Variants in UTRN observed in about 807,000 individuals in gnomAD.
UTRN encodes the protein dystrophin-related protein 1.
A neutral mutation model predicts 463.9 loss-of-function variants in UTRN; 283 were observed. The observed-to-expected ratio is 0.61, with a 90% CI of 0.55 to 0.67. UTRN has a LOEUF of 0.67. Among genes scored for constraint, UTRN ranks in the 30% least tolerant of loss-of-function variants. UTRN has a pLI of 0.00. For synonymous variants in UTRN, 1,442 were observed against 1,431.5 expected, an observed-to-expected ratio of 1.01 and a Z score of -0.17; for missense variants, 3,922 against 4,084.3, an observed-to-expected ratio of 0.96 and a Z score of 1.08.
intron 2 of UTRN, among the ~76,000 whole-genome samples, chr6:144,386,421 T>C (rs1286206739): frequency 6.6e-6 from 1 of 152,174 alleles, no homozygotes; most frequent in East Asian, 1.9e-4. Context: ...ATCATACTAC[T>C]GCACTCAAGC....
chr6:144,562,587 C>T (rs1800036488), intron 50 of UTRN, among the ~76,000 whole-genome samples: 2 of 152,144 alleles, frequency 1.3e-5, no homozygotes, highest in African/African-American at 4.8e-5. Context: ...ACCACATTTT[C>T]TTTATCCAGT....
intron 12 of UTRN, among the ~76,000 whole-genome samples, chr6:144,440,053 A>G (rs888958751): frequency 2.4e-4 from 37 of 152,176 alleles, no homozygotes; most frequent in Non-Finnish European, 1.6e-4. Context: ...AATTCCTAGT[A>G]TGGACACTCA....
At chr6:144,382,150 T>G (rs1357651279) in intron 2 of UTRN, among the ~76,000 whole-genome samples, 1 of 152,238 alleles carries the variant, frequency 6.6e-6, no homozygotes, top group Non-Finnish European at 1.5e-5. Flanking sequence ...GTATGTCTTC[T>G]TTTATTTAAA....
chr6:144,750,733 A>G (rs532388105), intron 55 of UTRN, among the ~76,000 whole-genome samples: 126 of 152,276 alleles, frequency 8.3e-4, no homozygotes, highest in Non-Finnish European at 1.6e-3. Context: ...ATATTGCTCA[A>G]ATATCATTTT....
chr6:144,390,112 G>A (rs1465326357), intron 2 of UTRN, among the ~76,000 whole-genome samples: 1 of 152,104 alleles, frequency 6.6e-6, no homozygotes, highest in Non-Finnish European at 1.5e-5. Context: ...CAAATAAATG[G>A]TAAATATGTG....
At chr6:144,614,993 CT>C (rs1192736819) in intron 51 of UTRN, among the ~76,000 whole-genome samples, 1 of 152,128 alleles carries the variant, frequency 6.6e-6, no homozygotes, top group African/African-American at 2.4e-5. Flanking sequence ...ACAAACCCCC[CT>C]CTTTCCCGAT....
At position 144,835,829 on chromosome 6, in the gene UTRN, G is replaced by A. The variant is rs1781055799; in HGVS notation, c.9715G>A (p.Glu3239Lys). The A allele has an allele frequency of 1.2e-6, 2 of 1,614,110 alleles. No homozygotes were observed. Among genetic ancestry groups the A allele is most frequent in the Non-Finnish European group, 1.7e-6 (2 of 1,179,992 alleles). The change falls in exon 70 of 75, where the codon GAG (glutamate) becomes AAG (lysine). Residue 3239 changes from glutamate (E) to lysine (K), a missense_variant. Physicochemically the swap from Glu to Lys is moderately conservative, Grantham distance 56 (BLOSUM62 1). Coordinates refer to ENST00000367545, the MANE Select transcript of UTRN (RefSeq NM_007124.3). Reference sequence around the variant, plus strand: ...GCAGTATTGCCAAACACTCGGAGGAGAGTCCCCAGTGAGCCAGCCGCAGAG... The same window carrying A: ...GCAGTATTGCCAAACACTCGGAGGAAAGTCCCCAGTGAGCCAGCCGCAGAG... Reference protein sequence around the residue: ...IQQYCQTLGGESPVSQPQSPA... With the variant: ...IQQYCQTLGGKSPVSQPQSPA...
intron 30 of UTRN, among the ~76,000 whole-genome samples, chr6:144,489,811 G>C (rs1416776579): frequency 6.6e-6 from 1 of 151,632 alleles, no homozygotes; most frequent in Non-Finnish European, 1.5e-5. Context: ...TAGTAGAGAT[G>C]GGGTTTCACC....
intron 2 of UTRN, among the ~76,000 whole-genome samples, chr6:144,391,864 T>C (rs1044699979): frequency 1.3e-5 from 2 of 152,208 alleles, no homozygotes; most frequent in African/African-American, 4.8e-5. Context: ...ATGGTCTCGA[T>C]CTCCTGACCT....
chr6:144,829,794 A>C (rs1366055554), intron 69 of UTRN, among the ~76,000 whole-genome samples: 1 of 152,012 alleles, frequency 6.6e-6, no homozygotes, highest in Non-Finnish European at 1.5e-5. Context: ...ATATTTTCTA[A>C]AACTTGTTTT....
At chr6:144,346,589 G>A (rs914743970) in intron 2 of UTRN, among the ~76,000 whole-genome samples, 1 of 152,196 alleles carries the variant, frequency 6.6e-6, no homozygotes, top group African/African-American at 2.4e-5. Flanking sequence ...GGGAGCCCGA[G>A]GCGGGCAGAT....
In UTRN at chr6:144,612,225, C is replaced by T. The variant is rs530528036; in HGVS notation, c.7479+34937C>T. ...TTACACCATAGGCAAAAATCAACTT[C>T]AAATGGATTAAAGACTTAAATATAA... On this transcript the variant is annotated intron_variant, in intron 51 of 74. Coordinates refer to ENST00000367545, the MANE Select transcript of UTRN (RefSeq NM_007124.3). Among the ~76,000 whole-genome samples the T allele has an allele frequency of 1.4e-3, 214 of 152,150 alleles. 1 individual carries two copies. The highest frequency in any genetic ancestry group is 4.8e-3 in the African/African-American group (201 of 41,516).
chr6:144,851,665 CACTT>C lies in UTRN; in HGVS notation c.*673_*676del, dbSNP rs1448079162. On this transcript the variant is annotated 3_prime_UTR_variant, in exon 75 of 75. Coordinates refer to ENST00000367545, the MANE Select transcript of UTRN (RefSeq NM_007124.3). ...CCGTTTAACTTTATTTGACGTTGCC[CACTT>C]ACTTCTTTGCTGACCACTTGGATAA... 1 of 152,140 alleles carries C rather than the reference CACTT, an allele frequency of 6.6e-6. No homozygotes were observed. Among genetic ancestry groups the C allele is most frequent in the Non-Finnish European group, 1.5e-5 (1 of 68,022 alleles). 9.4% of individuals were successfully genotyped at this position (152,140 alleles called of 1,614,324 possible).
At chr6:144,414,844 T>G (rs1784236239) in intron 3 of UTRN, among the ~76,000 whole-genome samples, 1 of 152,130 alleles carries the variant, frequency 6.6e-6, no homozygotes, top group South Asian at 2.1e-4. Flanking sequence ...GCCTCCTGCG[T>G]AGCTGGGATT....
At chr6:144,521,289 C>G (rs540506034) in intron 39 of UTRN, among the ~76,000 whole-genome samples, 337 of 151,588 alleles carry the variant, frequency 2.2e-3, no homozygotes, top group Non-Finnish European at 3.6e-3. Context: ...CTGTCCTGCA[C>G]CCCCCCAAAA....
At chr6:144,468,487 T>TA (rs1399168069) in intron 23 of UTRN, among the ~76,000 whole-genome samples, 1 of 150,212 alleles carries the variant, frequency 6.7e-6, no homozygotes, top group East Asian at 1.9e-4. Flanking sequence ...GATTAGTACT[T>TA]AGTTTATTTT....
At chr6:144,375,927 C>G (rs1458830005) in intron 2 of UTRN, among the ~76,000 whole-genome samples, 2 of 152,152 alleles carry the variant, frequency 1.3e-5, no homozygotes, top group African/African-American at 2.4e-5. Flanking sequence ...GTTTTCTTCC[C>G]CCCCACATAG....
intron 51 of UTRN, among the ~76,000 whole-genome samples, chr6:144,588,643 A>T (rs1182035028): frequency 6.6e-6 from 1 of 152,138 alleles, no homozygotes; most frequent in Middle Eastern, 3.2e-3. Flanking sequence ...TAAAGGGTTG[A>T]TGATTTGTGT....
At chr6:144,802,209 T>A (rs982702466) in intron 64 of UTRN, among the ~76,000 whole-genome samples, 4 of 152,214 alleles carry the variant, frequency 2.6e-5, no homozygotes, top group Non-Finnish European at 2.9e-5. Flanking sequence ...TGTGATTGTT[T>A]CAAACCAATA....
Sources: gnomAD v4.1 joint callset for allele counts (sites outside exome capture counted in the v4.1 genomes callset) on GRCh38, gnomAD v4.1.1 for gene constraint, MANE v1.5 for transcripts, NCBI Gene and HGNC (gene_info 2026-07-23, HGNC 2026-07-21) for gene names.